CERT1: variants seen among roughly 807,000 people sequenced by gnomAD.
CERT1 encodes ceramide transporter 1.
Under a neutral mutation model 87.9 loss-of-function variants are expected in CERT1, and 31 were observed. That is an observed-to-expected ratio of 0.35 (90% CI 0.27 to 0.48). The LOEUF (loss-of-function observed/expected upper bound fraction) is 0.48, where lower values mean the gene tolerates loss of function less well. Ranked by LOEUF, CERT1 falls within the 20% of genes least tolerant of loss-of-function variation. The probability of loss-of-function intolerance (pLI) is 0.99; values close to 1 mark genes in which losing one functional copy is unlikely to be tolerated. For missense variants in CERT1, 487 were observed against 758.0 expected (o/e 0.64, Z 4.20); for synonymous variants, 289 against 250.9 (o/e 1.15, Z -1.44).
intron 2 of CERT1, among the ~76,000 whole-genome samples, chr5:75,462,885 A>G (rs567813944): frequency 1.3e-5 from 2 of 150,862 alleles, no homozygotes; most frequent in East Asian, 2.0e-4. Context: ...CCAGCTACTC[A>G]GGAGGCTGAG....
intron 2 of CERT1, among the ~76,000 whole-genome samples, chr5:75,469,904 G>A (rs79393689): frequency 6.6e-6 from 1 of 152,032 alleles, no homozygotes; most frequent in Non-Finnish European, 1.5e-5. Flanking sequence ...GAAACCAAAA[G>A]ACAGTAGGAA....
At chr5:75,399,216 C>T in intron 11 of CERT1, 94 bp downstream of exon 11, 1 of 900,160 alleles carries the variant, frequency 1.1e-6, no homozygotes, top group Admixed American at 1.9e-5. Flanking sequence ...AAACTAAAAT[C>T]AGTGGCCTAA....
intron 5 of CERT1, among the ~76,000 whole-genome samples, chr5:75,423,399 A>C (rs1244869605): frequency 6.6e-6 from 1 of 151,948 alleles, no homozygotes; most frequent in African/African-American, 2.4e-5. Context: ...AAAAAAAATC[A>C]CACATTAACG....
intron 3 of CERT1, among the ~76,000 whole-genome samples, chr5:75,453,965 T>G (rs954652866): frequency 2.6e-5 from 4 of 152,136 alleles, no homozygotes; most frequent in African/African-American, 9.7e-5. Flanking sequence ...CCTCCAGATG[T>G]TGAAAATAAC....
At chr5:75,401,808 A>T (rs1243511804) in intron 9 of CERT1, 2 of 152,238 alleles carry the variant, frequency 1.3e-5, no homozygotes, top group African/African-American at 4.8e-5. Context: ...TGACTGTCTT[A>T]GCAATGATAA....
intron 6 of CERT1, among the ~76,000 whole-genome samples, chr5:75,417,379 T>A (rs1286750479): frequency 6.6e-6 from 1 of 152,056 alleles, no homozygotes; most frequent in African/African-American, 2.4e-5. Flanking sequence ...CCTTATTATT[T>A]TGAAAAGCCT....
intron 16 of CERT1, among the ~76,000 whole-genome samples, chr5:75,380,777 CA>C (rs35083616): frequency 3.0e-3 from 162 of 53,382 alleles, no homozygotes; most frequent in African/African-American, 9.9e-3. Flanking sequence ...GACTCCATCT[CA>C]AAAAAAAAAA....
intron 3 of CERT1, among the ~76,000 whole-genome samples, chr5:75,453,786 TA>T (rs1226258404): frequency 6.6e-6 from 1 of 151,420 alleles, no homozygotes; most frequent in Non-Finnish European, 1.5e-5. Context: ...AGAAGTCCTG[TA>T]AAATAAAACT....
Position 75,490,194 on chromosome 5 carries a change from C to T in CERT1, c.231+15788G>A, listed in dbSNP as rs150680034. Among the ~76,000 whole-genome samples, 167 of 152,098 alleles carry T rather than the reference C, an allele frequency of 1.1e-3. 2 individuals are homozygous for T. Among genetic ancestry groups the T allele is most frequent in the African/African-American group, 3.8e-3 (157 of 41,502 alleles). ...GGGAACATCACACGCCGGGGCCTGT[C>T]GGGAGGTTGGGGACAAGGGGAGGCA... On this transcript the variant is annotated intron_variant, in intron 2 of 16. Coordinates refer to ENST00000643780, the MANE Select transcript of CERT1 (RefSeq NM_001379029.1).
chr5:75,510,235 C>T (rs1767870251), intron 1 of CERT1, among the ~76,000 whole-genome samples: 1 of 151,890 alleles, frequency 6.6e-6, no homozygotes, highest in East Asian at 1.9e-4. Context: ...AAAAGTTTAA[C>T]AGGAAGGGAG....
chr5:75,440,130 A>T (rs2112241219), intron 3 of CERT1, among the ~76,000 whole-genome samples: 1 of 152,250 alleles, frequency 6.6e-6, no homozygotes, highest in South Asian at 2.1e-4. Context: ...GTACATATAC[A>T]GTAGAAACCA....
At chr5:75,381,887 T>A in intron 15 of CERT1, 62 bp downstream of exon 15, 4 of 1,448,354 alleles carry the variant, frequency 2.8e-6, no homozygotes, top group Non-Finnish European at 3.8e-6. Flanking sequence ...ATCATTTTTG[T>A]CCCGCATTGT....
At chr5:75,507,052 ATATCC>A (rs2112477365) in intron 1 of CERT1, among the ~76,000 whole-genome samples, 1 of 152,334 alleles carries the variant, frequency 6.6e-6, no homozygotes, top group African/African-American at 2.4e-5. Context: ...CTCAGGCTCT[ATATCC>A]ACTGAGAAAT....
intron 12 of CERT1, 99 bp from the exon 13 acceptor site, chr5:75,386,133 T>C: frequency 1.1e-6 from 1 of 930,502 alleles, no homozygotes; most frequent in South Asian, 4.3e-5. Context: ...TAGATTTTTA[T>C]GAAAGTCTAT....
chr5:75,494,304 G>A (rs1005171346), intron 2 of CERT1, among the ~76,000 whole-genome samples: 1 of 152,162 alleles, frequency 6.6e-6, no homozygotes, highest in African/African-American at 2.4e-5. Flanking sequence ...TTTTACGCTG[G>A]TCAGATTCTT....
intron 12 of CERT1, among the ~76,000 whole-genome samples, chr5:75,389,014 A>G (rs1761925510): frequency 1.3e-5 from 2 of 152,154 alleles, no homozygotes; most frequent in Admixed American, 6.5e-5. Context: ...TTTATTTAGC[A>G]TAGTTCCTTA....
chr5:75,468,393 G>A (rs760712485), intron 2 of CERT1, among the ~76,000 whole-genome samples: 2 of 152,142 alleles, frequency 1.3e-5, no homozygotes, highest in African/African-American at 2.4e-5. Flanking sequence ...GAAAAAAAGA[G>A]AAGTGTAGGA....
intron 1 of CERT1, 119 bp downstream of exon 1, chr5:75,510,993 C>G: frequency 7.5e-7 from 1 of 1,336,416 alleles, no homozygotes; most frequent in South Asian, 1.6e-5. Flanking sequence ...TGCAGCAACA[C>G]TCAGCCTCGC....
chr5:75,410,752 G>A (rs554572621), intron 8 of CERT1: 265 of 256,318 alleles, frequency 1.0e-3, no homozygotes, highest in Middle Eastern at 8.2e-3. Flanking sequence ...TCTTTACAGG[G>A]GAGATAAAAA....
Sources: gnomAD v4.1 joint callset for allele counts (sites outside exome capture counted in the v4.1 genomes callset) on GRCh38, gnomAD v4.1.1 for gene constraint, MANE v1.5 for transcripts, NCBI Gene and HGNC (gene_info 2026-07-23, HGNC 2026-07-21) for gene names.